Variants in SATB2 observed in about 807,000 individuals in gnomAD.
The protein encoded by SATB2 is DNA-binding protein SATB2.
Under a neutral mutation model 73.4 loss-of-function variants are expected in SATB2, and 1 was observed. The ratio of observed to expected loss-of-function variants is 0.01; its 90% confidence interval spans 0.00 to 0.06. The LOEUF (loss-of-function observed/expected upper bound fraction) is 0.06. Ranked by LOEUF, SATB2 falls within the 10% of genes least tolerant of loss-of-function variation. The pLI is 1.00. For missense variants in SATB2, 459 were observed against 945.8 expected (o/e 0.49, Z 6.75); for synonymous variants, 397 against 367.0 (o/e 1.08, Z -0.93).
At chr2:199,350,600 T>C (rs1464743436) in intron 6 of SATB2, among the ~76,000 whole-genome samples, 1 of 152,170 alleles carries the variant, frequency 6.6e-6, no homozygotes, top group East Asian at 1.9e-4. Context: ...TGGGTAGATA[T>C]TTAACTATTT....
At chr2:199,360,548 T>C (rs1689109170) in intron 6 of SATB2, among the ~76,000 whole-genome samples, 1 of 151,942 alleles carries the variant, frequency 6.6e-6, no homozygotes, top group Non-Finnish European at 1.5e-5. Context: ...TCTAGAACCT[T>C]CCCTCCTTAC....
chr2:199,405,937 A>T (rs1369508378), intron 3 of SATB2, among the ~76,000 whole-genome samples: 1 of 152,178 alleles, frequency 6.6e-6, no homozygotes, highest in Admixed American at 6.5e-5. Flanking sequence ...CATGGGTTCT[A>T]GACTCACAGA....
chr2:199,323,662 A>G (rs1687952515), intron 9 of SATB2, 141 bp downstream of exon 9: 2 of 967,444 alleles, frequency 2.1e-6, no homozygotes, highest in South Asian at 2.9e-5. Flanking sequence ...AAAGCAAACT[A>G]GAGTAAAAGG....
intron 3 of SATB2, among the ~76,000 whole-genome samples, chr2:199,428,879 G>A: frequency 6.6e-6 from 1 of 151,974 alleles, no homozygotes; most frequent in East Asian, 1.9e-4. Flanking sequence ...GGGCATGGTG[G>A]CATGGCCACC....
intron 7 of SATB2, among the ~76,000 whole-genome samples, chr2:199,345,880 G>A (rs1418865464): frequency 6.6e-6 from 1 of 152,030 alleles, no homozygotes; most frequent in Non-Finnish European, 1.5e-5. Context: ...CTCTTGTCTT[G>A]GCACTCAAGG....
chr2:199,330,056 T>C (rs1486881369), intron 7 of SATB2, among the ~76,000 whole-genome samples: 1 of 152,108 alleles, frequency 6.6e-6, no homozygotes, highest in Non-Finnish European at 1.5e-5. Context: ...TCTTTAACTG[T>C]AGTAAAGTAG....
intron 6 of SATB2, among the ~76,000 whole-genome samples, chr2:199,361,736 C>T (rs1393522809): frequency 6.6e-6 from 1 of 151,762 alleles, no homozygotes; most frequent in Admixed American, 6.6e-5. Context: ...ATATGATCGC[C>T]CAGCCAGGTC....
At chr2:199,313,943 G>GT (rs1243411185) in intron 9 of SATB2, among the ~76,000 whole-genome samples, 1 of 152,098 alleles carries the variant, frequency 6.6e-6, no homozygotes, top group Non-Finnish European at 1.5e-5. Flanking sequence ...TTACTCACAG[G>GT]TACACTCTCA....
intron 3 of SATB2, among the ~76,000 whole-genome samples, chr2:199,425,287 C>T (rs956671969): frequency 3.3e-5 from 5 of 152,218 alleles, no homozygotes; most frequent in African/African-American, 1.2e-4. Flanking sequence ...CCAGTCCCTT[C>T]CAGGTCATGG....
intron 6 of SATB2, among the ~76,000 whole-genome samples, chr2:199,364,886 C>G (rs905368563): frequency 6.6e-6 from 1 of 151,890 alleles, no homozygotes; most frequent in Non-Finnish European, 1.5e-5. Context: ...TTTATTATAT[C>G]CCCCCAAAAG....
chr2:199,456,967 T>TGGG (rs1345016695), intron 1 of SATB2, among the ~76,000 whole-genome samples: 4 of 39,834 alleles, frequency 1.0e-4, no homozygotes, highest in African/African-American at 2.3e-4. Flanking sequence ...ACCCCTGGAT[T>TGGG]GGGGGGGTGG....
At chr2:199,359,561 TA>T (rs1314119590) in intron 6 of SATB2, among the ~76,000 whole-genome samples, 2 of 152,174 alleles carry the variant, frequency 1.3e-5, no homozygotes, top group Non-Finnish European at 2.9e-5. Flanking sequence ...ATAATATGTG[TA>T]AAAATAAAAC....
chr2:199,324,066 G>T, intron 8 of SATB2, 108 bp from the exon 9 acceptor site: 1 of 1,097,390 alleles, frequency 9.1e-7, no homozygotes, highest in East Asian at 2.4e-5. Flanking sequence ...AACTGCATTA[G>T]CTACAGAGGG....
chr2:199,379,133 C>G (rs1689689982), intron 5 of SATB2, among the ~76,000 whole-genome samples: 1 of 152,124 alleles, frequency 6.6e-6, no homozygotes, highest in Non-Finnish European at 1.5e-5. Flanking sequence ...TCTACAGCAG[C>G]CCCAATCCAC....
intron 7 of SATB2, 50 bp from the exon 8 acceptor site, chr2:199,328,960 G>T: frequency 6.9e-7 from 1 of 1,456,688 alleles, no homozygotes; most frequent in Non-Finnish European, 9.6e-7. Context: ...GCAGGTATAT[G>T]TGTGTGGTTT....
At chr2:199,388,084 C>T (rs1433480449) in intron 3 of SATB2, among the ~76,000 whole-genome samples, 1 of 152,010 alleles carries the variant, frequency 6.6e-6, no homozygotes, top group Non-Finnish European at 1.5e-5. Context: ...ACATTATAGT[C>T]GATCAATATT....
At chr2:199,467,855 C>T (rs922168556), upstream of SATB2, among the ~76,000 whole-genome samples, 2 of 152,146 alleles carry the variant, frequency 1.3e-5, no homozygotes, top group Non-Finnish European at 2.9e-5. Flanking sequence ...TGGGGTGTCC[C>T]TGCCTCCACT....
intron 3 of SATB2, among the ~76,000 whole-genome samples, chr2:199,391,455 A>G (rs924479753): frequency 6.6e-6 from 1 of 151,640 alleles, no homozygotes; most frequent in Non-Finnish European, 1.5e-5. Context: ...AAAAAAAACA[A>G]AAAACAAAAA....
upstream of SATB2, among the ~76,000 whole-genome samples, chr2:199,458,947 G>A (rs1005828638): frequency 5.3e-5 from 8 of 152,114 alleles, no homozygotes; most frequent in African/African-American, 1.7e-4. Context: ...GGGGTGTCCC[G>A]AATGCCAGGA....
Sources: gnomAD v4.1 joint callset for allele counts (sites outside exome capture counted in the v4.1 genomes callset) on GRCh38, gnomAD v4.1.1 for gene constraint, MANE v1.5 for transcripts, NCBI Gene and HGNC (gene_info 2026-07-23, HGNC 2026-07-21) for gene names.